The following CCT5 variants were observed in gnomAD, a reference collection of about 807,000 sequenced individuals.
CCT5 encodes T-complex protein 1 subunit epsilon.
In CCT5, 6 loss-of-function variants were observed where a neutral mutation model predicts 55.0. The ratio of observed to expected loss-of-function variants is 0.11; its 90% CI spans 0.06 to 0.22. The LOEUF is 0.22. CCT5 is among the 10% of genes least tolerant of loss of function. The pLI is 1.00. For synonymous variants in CCT5, 231 were observed against 243.7 expected, an observed-to-expected ratio of 0.95 and a Z score of 0.49; for missense variants, 560 against 694.6, an observed-to-expected ratio of 0.81 and a Z score of 2.18.
chr5:10,250,049 A>G (rs985042334), upstream of CCT5: 1 of 1,541,582 alleles, frequency 6.5e-7, no homozygotes, highest in African/African-American at 1.4e-5. Flanking sequence ...ATCAGTGGTA[A>G]CGTTTTAAAA....
At chr5:10,252,633 G>A (rs1745482541) in intron 1 of CCT5, among the ~76,000 whole-genome samples, 2 of 148,172 alleles carry the variant, frequency 1.3e-5, no homozygotes, top group African/African-American at 5.0e-5. Flanking sequence ...AAAAAAAAAG[G>A]TGCAGGCATT....
intron 1 of CCT5, chr5:10,250,758 G>A (rs1306435806): frequency 8.2e-7 from 1 of 1,226,502 alleles, no homozygotes; most frequent in Non-Finnish European, 1.0e-6. Flanking sequence ...CCTCCAGCCT[G>A]ACGGCCGCGT....
chr5:10,263,222 A>G lies in CCT5; in HGVS notation c.1406A>G (p.Asn469Ser), dbSNP rs1438094403. ...GCCCTCTCTGAAAACAGTGGCATGA[A>G]TCCCATCCAGACTATGACCGAAGTC... The part of the protein sequence containing the change: ...PMALSENSGM[N>S]PIQTMTEVRA... The change falls in exon 10 of 11, where the codon AAT (asparagine) becomes AGT (serine). Residue 469 changes from asparagine to serine, a missense_variant. Asn to Ser is a conservative substitution (Grantham distance 46). Coordinates refer to ENST00000280326, the MANE Select transcript of CCT5 (RefSeq NM_012073.5). 1.2e-6 allele frequency: 2 copies of G among 1,614,176 alleles called. No individual in the cohort carries two copies. Among genetic ancestry groups the G allele is most frequent in the Non-Finnish European group, 1.7e-6 (2 of 1,180,022 alleles).
Position 10,263,320 on chromosome 5 carries a change from G to T in CCT5, c.1498+6G>T, listed in dbSNP as rs773624058. The T allele has an allele frequency of 6.3e-7, 1 of 1,597,264 alleles. No homozygotes were observed. The highest frequency in any genetic ancestry group is 1.7e-4 in the Middle Eastern group (1 of 6,030). The stretch of plus-strand genomic sequence containing the variant: ...TTTGCACAAGGGGACAAATGGTGAG[G>T]AGCTGTCACGCCTCTGCGTGGAGGG... On this transcript the variant is annotated splice_donor_region_variant and intron_variant, in intron 10 of 10. Transcript: ENST00000280326.
intron 8 of CCT5, 119 bp from the exon 9 acceptor site, chr5:10,262,362 A>C: frequency 9.5e-7 from 1 of 1,054,664 alleles, no homozygotes; most frequent in Non-Finnish European, 1.5e-6. Context: ...ATTATCCGAT[A>C]GTGGAGGCCA....
intron 1 of CCT5, chr5:10,250,958 G>A (rs1745367820): frequency 3.8e-6 from 3 of 789,466 alleles, no homozygotes; most frequent in South Asian, 5.2e-5. Flanking sequence ...AGGAAAAATA[G>A]CGAAGAGTGA....
rs2292267 is a variant in CCT5, at chr5:10,263,470, G to A, written c.1498+156G>A. On this transcript the variant is annotated intron_variant, in intron 10 of 10. Coordinates refer to ENST00000280326, the MANE Select transcript of CCT5 (RefSeq NM_012073.5). ...CTGAATTTTAGAATGTTTGATTGCCGTAGGAATTGGTTAGACTACTAGACC... is the reference window on the plus strand; with the variant it reads ...CTGAATTTTAGAATGTTTGATTGCCATAGGAATTGGTTAGACTACTAGACC... Among the ~76,000 whole-genome samples, 23,638 of 152,188 alleles carry A rather than the reference G, an allele frequency of 0.16. 3,816 individuals are homozygous for A. The highest frequency in any genetic ancestry group is 0.42 in the African/African-American group (17,220 of 41,476).
rs188444404 is a variant in CCT5, at chr5:10,252,166, C to T, written c.105+1721C>T. Among the ~76,000 whole-genome samples the T allele has an allele frequency of 3.2e-3, 494 of 152,298 alleles. 3 individuals carry two copies. The highest frequency in any genetic ancestry group is 0.011 in the African/African-American group (477 of 41,570). ...GACAGTAACCTGGGTGTTTAAGTCT[C>T]TTAAAAGAGTTGGATGCTGTTGGTA... On this transcript the variant is annotated intron_variant, in intron 1 of 10. Transcript: ENST00000280326.
Position 10,261,691 on chromosome 5 carries a change from G to A in CCT5, c.1125G>A (p.Glu375=). The change falls in exon 8 of 11, where the codon GAG becomes GAA. Residue 375 remains glutamate (E), a synonymous_variant. Coordinates refer to ENST00000280326, the MANE Select transcript of CCT5 (RefSeq NM_012073.5). Reference sequence around the variant, plus strand: ...CTAAGGATAAAATGCTGGTCATCGAGCAGTGTAAGAACTCCAGAGCTGTAA... The same window carrying A: ...CTAAGGATAAAATGCTGGTCATCGAACAGTGTAAGAACTCCAGAGCTGTAA... ...GTTKDKMLVI[E]QCKNSRAVTI... The A allele has an allele frequency of 9.9e-6, 16 of 1,614,106 alleles. No homozygotes were observed. Among genetic ancestry groups the A allele is most frequent in the Non-Finnish European group, 1.4e-5 (16 of 1,180,000 alleles).
In CCT5 at chr5:10,265,280, C is replaced by T; in HGVS notation, c.*497C>T. The T allele has an allele frequency of 5.8e-6, 1 of 173,264 alleles. No individual in the cohort carries two copies. Among genetic ancestry groups the T allele is most frequent in the Admixed American group, 5.6e-5 (1 of 17,902 alleles). The allele number at this position is 173,264 out of a possible 1,614,324, so 10.7% of individuals were successfully genotyped here. On this transcript the variant is annotated 3_prime_UTR_variant, in exon 11 of 11. Coordinates refer to ENST00000280326, the MANE Select transcript of CCT5 (RefSeq NM_012073.5). The stretch of plus-strand genomic sequence containing the variant: ...CCTTAAGTGCTGTTACTAGGTTGCT[C>T]ACAGCCTAACCTGGCGTGTTGTTTA...
At chr5:10,255,155 T>C (rs552045996) in intron 3 of CCT5, 3 of 375,270 alleles carry the variant, frequency 8.0e-6, no homozygotes, top group Non-Finnish European at 1.0e-5. Context: ...ACTGCAATGC[T>C]GAGTTTCCTG....
Position 10,264,997 on chromosome 5 carries a change from A to C in CCT5, c.*214A>C. On this transcript the variant is annotated 3_prime_UTR_variant, in exon 11 of 11. Transcript: ENST00000280326. The stretch of plus-strand genomic sequence containing the variant: ...CTGCTTTTGTATTCATTGTATTAAA[A>C]GAATCTGTTTAAACAACCTTTATCT... 1.8e-6 allele frequency: 1 copy of C among 557,822 alleles called. No individual in the cohort carries two copies. The highest frequency in any genetic ancestry group is 3.1e-6 in the Non-Finnish European group (1 of 319,530). 34.6% of individuals were successfully genotyped at this position (557,822 alleles called of 1,614,324 possible).
chr5:10,249,932 A>C (rs1053617532), upstream of CCT5: 1 of 568,926 alleles, frequency 1.8e-6, no homozygotes, highest in Non-Finnish European at 2.2e-6. Flanking sequence ...AAAAAAAAAA[A>C]AACCGGAAAT....
intron 1 of CCT5, among the ~76,000 whole-genome samples, chr5:10,252,700 TAA>T (rs1004356529): frequency 2.6e-5 from 4 of 151,908 alleles, no homozygotes; most frequent in Non-Finnish European, 4.4e-5. Context: ...CAGAGCAGGC[TAA>T]GTTTCCAGGC....
At position 10,264,954 on chromosome 5, in the gene CCT5, G is replaced by T. The variant is rs1446554142; in HGVS notation, c.*171G>T. 3 of 786,168 alleles carry T rather than the reference G, an allele frequency of 3.8e-6. No individual in the cohort carries two copies. The highest frequency in any genetic ancestry group is 6.1e-6 in the Non-Finnish European group (3 of 493,498). 48.7% of individuals were successfully genotyped at this position (786,168 alleles called of 1,614,324 possible). A position where few individuals can be genotyped will look rare whatever the true frequency, so the allele number is the denominator to read the frequency against. ...TTCACTTGTTCAAAGCTGTGTAATC[G>T]TGGGGGTACCATCTCAACTGCTTTT... On this transcript the variant is annotated 3_prime_UTR_variant, in exon 11 of 11. Coordinates refer to ENST00000280326, the MANE Select transcript of CCT5 (RefSeq NM_012073.5).
At position 10,266,239 on chromosome 5, in the gene CCT5, A is replaced by C. The variant is rs905147389; in HGVS notation, c.*1456A>C. Reference sequence around the variant, plus strand: ...GGTCTGTGGTTGTATCAGAAGAGCCACTAAACCAATCCCCCTTTCCAAAAT... The same window carrying C: ...GGTCTGTGGTTGTATCAGAAGAGCCCCTAAACCAATCCCCCTTTCCAAAAT... On this transcript the variant is annotated 3_prime_UTR_variant, in exon 11 of 11. Transcript: ENST00000280326. The C allele has an allele frequency of 6.6e-6, 1 of 152,218 alleles. No individual in the cohort carries two copies. The highest frequency in any genetic ancestry group is 2.4e-5 in the African/African-American group (1 of 41,460). 9.4% of individuals were successfully genotyped at this position (152,218 alleles called of 1,614,324 possible). A position where few individuals can be genotyped will look rare whatever the true frequency, so the allele number is the denominator to read the frequency against.
At chr5:10,254,050 C>G (rs6872697) in intron 1 of CCT5, 95 bp from the exon 2 acceptor site, 14 of 838,434 alleles carry the variant, frequency 1.7e-5, no homozygotes, top group Non-Finnish European at 1.2e-5. Flanking sequence ...ACAATAGAAA[C>G]TAAGTCATAA....
chr5:10,255,037 G>T (rs889315125), intron 3 of CCT5, 199 bp downstream of exon 3: 6 of 597,834 alleles, frequency 1.0e-5, no homozygotes, highest in Non-Finnish European at 1.8e-5. Context: ...GCTGGGGATT[G>T]TTAGGCATGG....
At chr5:10,261,072 G>C in intron 7 of CCT5, 161 bp downstream of exon 7, 1 of 789,234 alleles carries the variant, frequency 1.3e-6, no homozygotes, top group Non-Finnish European at 2.2e-6. Context: ...CTTTGTTACT[G>C]TTTGGATAAC....
Sources: allele counts gnomAD v4.1 joint callset (sites outside exome capture counted in the v4.1 genomes callset), GRCh38; gene constraint gnomAD v4.1.1; transcripts MANE v1.5; gene names NCBI Gene and HGNC (gene_info 2026-07-23, HGNC 2026-07-21).